Variants in TTK observed in about 807,000 individuals in gnomAD.
TTK encodes the protein dual specificity protein kinase TTK.
In TTK, 59 loss-of-function variants were observed where a neutral mutation model predicts 117.3. The observed-to-expected ratio is 0.50, with a 90% CI of 0.41 to 0.62. The LOEUF is 0.62. TTK is among the 20% of genes least tolerant of loss of function. The pLI, the probability that TTK is intolerant of heterozygous loss-of-function variation, is 0.00. For synonymous variants in TTK, 302 were observed against 325.0 expected (o/e 0.93, Z 0.76); for missense variants, 921 against 989.4 (o/e 0.93, Z 0.93).
At position 80,011,745 on chromosome 6, in the gene TTK, C is replaced by A; in HGVS notation, c.745C>A (p.Gln249Lys). 1 of 1,612,660 alleles carries A rather than the reference C, an allele frequency of 6.2e-7. No individual in the cohort carries two copies. The stretch of plus-strand genomic sequence containing the variant: ...TCTGTTTAGAGAGAACATGCCACCA[C>A]AAGATGCAGAAATAGGTTACCGGAA... ...RFLYGENMPPQDAEIGYRNSL... is the reference protein window; with the variant it reads ...RFLYGENMPPKDAEIGYRNSL... The change falls in exon 7 of 22, where the codon CAA becomes AAA. Residue 249 changes from glutamine (Q) to lysine (K), a missense_variant. Transcript: ENST00000369798.
intron 10 of TTK, among the ~76,000 whole-genome samples, chr6:80,016,345 C>T (rs1182556007): frequency 6.6e-6 from 1 of 152,164 alleles, no homozygotes; most frequent in African/African-American, 2.4e-5. Flanking sequence ...TATGTTGCTC[C>T]TGCTCCTGTT....
Position 80,042,273 on chromosome 6 carries a change from G to T in TTK, c.*71G>T. On this transcript the variant is annotated 3_prime_UTR_variant, in exon 22 of 22. Transcript: ENST00000369798. The stretch of plus-strand genomic sequence containing the variant: ...GACTGTTATACTCTTGAATCCCTGT[G>T]GAAATCTACATTTGAAGACAACATC... 1.6e-6 allele frequency: 2 copies of T among 1,228,120 alleles called. No homozygotes were observed. The highest frequency in any genetic ancestry group is 2.3e-6 in the Non-Finnish European group (2 of 878,110). The allele number at this position is 1,228,120 out of a possible 1,614,324, so 76.1% of individuals were successfully genotyped here. A position where few individuals can be genotyped will look rare whatever the true frequency, so the allele number is the denominator to read the frequency against.
intron 13 of TTK, among the ~76,000 whole-genome samples, chr6:80,028,631 G>A (rs1416742343): frequency 6.6e-6 from 1 of 151,928 alleles, no homozygotes; most frequent in Non-Finnish European, 1.5e-5. Context: ...GTTACTTTTT[G>A]TTGTGTTTTG....
intron 10 of TTK, among the ~76,000 whole-genome samples, chr6:80,014,964 T>G (rs548404084): frequency 5.9e-5 from 9 of 152,172 alleles, no homozygotes; most frequent in African/African-American, 2.2e-4. Flanking sequence ...GATATATAAG[T>G]GGATAAAACA....
chr6:80,005,000 AG>A (rs1766949211), intron 1 of TTK: 1 of 152,244 alleles, frequency 6.6e-6, no homozygotes, highest in South Asian at 2.1e-4. Flanking sequence ...CGTTTTCCAA[AG>A]GACAGTCTCT....
intron 4 of TTK, among the ~76,000 whole-genome samples, chr6:80,010,570 G>A (rs1562011474): frequency 1.3e-5 from 2 of 151,336 alleles, no homozygotes; most frequent in East Asian, 1.9e-4. Context: ...GCAAAATTAC[G>A]TCAGCTACAT....
chr6:80,022,485 C>G lies in TTK; in HGVS notation c.1257+13C>G. On this transcript the variant is annotated intron_variant, in intron 11 of 21. Coordinates refer to ENST00000369798, the MANE Select transcript of TTK (RefSeq NM_003318.5). ...AGTTAATACAGAGGTAACTTTTCCA[C>G]TAAAGTACAATATTGCTTTTTTGTT... The G allele has an allele frequency of 6.2e-7, 1 of 1,609,944 alleles. No individual in the cohort carries two copies.
Position 80,010,856 on chromosome 6 carries a change from A to G in TTK, c.512A>G (p.Glu171Gly). The part of the protein sequence containing the change: ...KSKQLLQKAV[E>G]RGAVPLEMLE... ...AAACAACTTCTTCAAAAAGCTGTAG[A>G]ACGTGGAGCAGTACCACTAGAAATG... is the stretch of plus-strand genomic sequence containing the variant. Residue 171 changes from glutamate (E) to glycine (G), a missense_variant, in exon 5 of 22, where the codon GAA becomes GGA. Coordinates refer to ENST00000369798, the MANE Select transcript of TTK (RefSeq NM_003318.5). 5 of 1,612,236 alleles carry G rather than the reference A, an allele frequency of 3.1e-6. No individual in the cohort carries two copies. Among genetic ancestry groups the G allele is most frequent in the Non-Finnish European group, 2.5e-6 (3 of 1,178,754 alleles).
chr6:80,026,564 A>T (rs1274580417), intron 12 of TTK, 50 bp downstream of exon 12: 18 of 1,606,382 alleles, frequency 1.1e-5, no homozygotes, highest in African/African-American at 2.7e-5. Context: ...TGATAGAATT[A>T]ACATGGGCTT....
At chr6:80,028,353 T>C (rs933624537) in intron 13 of TTK, among the ~76,000 whole-genome samples, 4 of 152,072 alleles carry the variant, frequency 2.6e-5, no homozygotes, top group Non-Finnish European at 5.9e-5. Context: ...AGTCTCGCTC[T>C]ATTGCCCAAG....
intron 2 of TTK, among the ~76,000 whole-genome samples, chr6:80,006,981 A>G (rs1041341357): frequency 8.5e-5 from 13 of 152,192 alleles, no homozygotes; most frequent in Admixed American, 3.9e-4. Flanking sequence ...AATATTGCTT[A>G]GTAATAACCA....
chr6:80,006,211 T>A, intron 2 of TTK: 2 of 521,598 alleles, frequency 3.8e-6, no homozygotes. Flanking sequence ...GAACAATGAT[T>A]AATGGGTGAA....
At chr6:80,011,643 A>G in intron 6 of TTK, 86 bp from the exon 7 acceptor site, 1 of 1,548,270 alleles carries the variant, frequency 6.5e-7, no homozygotes, top group Non-Finnish European at 8.9e-7. Context: ...ATATGTTTTC[A>G]TGTGTGTGAT....
At chr6:80,026,615 TTTAAAGACTTTCCATC>T in intron 12 of TTK, 101 bp downstream of exon 12, 1 of 1,479,482 alleles carries the variant, frequency 6.8e-7, no homozygotes, top group South Asian at 1.3e-5. Flanking sequence ...GCTCTTTTAC[TTTAAAGACTTTCCATC>T]TTCATATTAT....
chr6:80,034,803 G>GT (rs983637315), intron 14 of TTK, among the ~76,000 whole-genome samples, 182 bp from the exon 15 acceptor site: 19 of 152,098 alleles, frequency 1.2e-4, no homozygotes, highest in African/African-American at 4.1e-4. Context: ...GGAATGGACT[G>GT]TTACTCTGCT....
intron 13 of TTK, among the ~76,000 whole-genome samples, chr6:80,029,277 A>G (rs1486920617): frequency 6.6e-6 from 1 of 152,210 alleles, no homozygotes; most frequent in African/African-American, 2.4e-5. Flanking sequence ...AATGTACTTA[A>G]TGCCACTGAA....
rs1562010152 is a variant in TTK, at chr6:80,008,004, T to A, written c.335T>A (p.Ile112Asn). 1 of 1,613,484 alleles carries A rather than the reference T, an allele frequency of 6.2e-7. No homozygotes were observed. Among genetic ancestry groups the A allele is most frequent in the South Asian group, 1.1e-5 (1 of 91,056 alleles). Reference sequence around the variant, plus strand: ...GGCCAAAATGAGAGTTTTGCTAGAATTCAAGTGAGATTTGCTGAATTAAAA... The same window carrying A: ...GGCCAAAATGAGAGTTTTGCTAGAAATCAAGTGAGATTTGCTGAATTAAAA... ...KYGQNESFAR[I>N]QVRFAELKAI... The change falls in exon 3 of 22, where the codon ATT (isoleucine) becomes AAT (asparagine). Residue 112 changes from isoleucine to asparagine, a missense_variant. Ile to Asn is a moderately radical substitution (Grantham distance 149, BLOSUM62 -3). Coordinates refer to ENST00000369798, the MANE Select transcript of TTK (RefSeq NM_003318.5).
chr6:80,029,726 A>G (rs1409617628), intron 13 of TTK, among the ~76,000 whole-genome samples: 1 of 152,232 alleles, frequency 6.6e-6, no homozygotes, highest in Non-Finnish European at 1.5e-5. Context: ...AGGTTGAAGC[A>G]GGGAAGTGAA....
chr6:80,013,187 A>G (rs1767209960), intron 8 of TTK, 92 bp from the exon 9 acceptor site: 1 of 994,056 alleles, frequency 1.0e-6, no homozygotes, highest in East Asian at 2.7e-5. Context: ...AAGTATGTAT[A>G]TTATTAAAAA....
Sources: allele counts gnomAD v4.1 joint callset (sites outside exome capture counted in the v4.1 genomes callset), GRCh38; gene constraint gnomAD v4.1.1; transcripts MANE v1.5; gene names NCBI Gene and HGNC (gene_info 2026-07-23, HGNC 2026-07-21).